Variants in NOVA1 observed in about 807,000 individuals in gnomAD.
The protein encoded by NOVA1 is RNA-binding protein Nova-1.
NOVA1 carries 7 observed loss-of-function variants against 38.0 expected under a neutral mutation model. The observed-to-expected ratio is 0.18, with a 90% CI of 0.10 to 0.35. The LOEUF (loss-of-function observed/expected upper bound fraction) is 0.35. Among genes scored for constraint, NOVA1 ranks in the 10% least tolerant of loss-of-function variants. The pLI is 1.00. For missense variants in NOVA1, 460 were observed against 616.0 expected (o/e 0.75, Z 2.68); for synonymous variants, 270 against 232.5 (o/e 1.16, Z -1.47).
chr14:26,569,775 A>G (rs1327408373), intron 2 of NOVA1, among the ~76,000 whole-genome samples: 1 of 152,210 alleles, frequency 6.6e-6, no homozygotes, highest in African/African-American at 2.4e-5. Context: ...ACAAATTTCT[A>G]GTTGAAAAGA....
At chr14:26,566,051 T>C (rs979271035) in intron 2 of NOVA1, among the ~76,000 whole-genome samples, 1 of 152,144 alleles carries the variant, frequency 6.6e-6, no homozygotes, top group African/African-American at 2.4e-5. Flanking sequence ...TAAAATTATA[T>C]GAATGATGAA....
At chr14:26,502,447 A>G (rs1887306847) in intron 2 of NOVA1, among the ~76,000 whole-genome samples, 1 of 151,892 alleles carries the variant, frequency 6.6e-6, no homozygotes, top group Non-Finnish European at 1.5e-5. Context: ...TTGTATTTAA[A>G]TATACAACAG....
intron 2 of NOVA1, among the ~76,000 whole-genome samples, chr14:26,554,393 A>T (rs1007221082): frequency 1.3e-5 from 2 of 152,132 alleles, no homozygotes; most frequent in Non-Finnish European, 2.9e-5. Context: ...CACTCACTGG[A>T]TTGAGCAAAG....
intron 4 of NOVA1, among the ~76,000 whole-genome samples, chr14:26,464,683 T>G (rs1883972484): frequency 6.6e-6 from 1 of 152,146 alleles, no homozygotes; most frequent in Non-Finnish European, 1.5e-5. Flanking sequence ...AGGGATTTGT[T>G]TCTATATGAA....
intron 2 of NOVA1, among the ~76,000 whole-genome samples, chr14:26,526,206 A>G (rs1889286224): frequency 6.6e-6 from 1 of 152,202 alleles, no homozygotes; most frequent in Admixed American, 6.5e-5. Flanking sequence ...AACATAACTT[A>G]AATTTGAGAA....
At chr14:26,552,858 A>G (rs1891244476) in intron 2 of NOVA1, among the ~76,000 whole-genome samples, 1 of 152,122 alleles carries the variant, frequency 6.6e-6, no homozygotes, top group South Asian at 2.1e-4. Flanking sequence ...AAGTGACTCT[A>G]CTCTCTGGGG....
At chr14:26,507,011 A>G (rs1310409326) in intron 2 of NOVA1, among the ~76,000 whole-genome samples, 2 of 152,234 alleles carry the variant, frequency 1.3e-5, no homozygotes, top group African/African-American at 4.8e-5. Flanking sequence ...TAATTTTCAC[A>G]GTTAAATCCA....
intron 2 of NOVA1, among the ~76,000 whole-genome samples, chr14:26,480,609 T>A (rs978607267): frequency 4.0e-5 from 6 of 151,718 alleles, no homozygotes; most frequent in Non-Finnish European, 8.8e-5. Context: ...AGTTGTTCCA[T>A]CACTTACCAC....
At chr14:26,562,774 A>G (rs1891905839) in intron 2 of NOVA1, among the ~76,000 whole-genome samples, 1 of 152,168 alleles carries the variant, frequency 6.6e-6, no homozygotes, top group Non-Finnish European at 1.5e-5. Flanking sequence ...TTTGGCACAT[A>G]GGTTTACTAC....
intron 2 of NOVA1, among the ~76,000 whole-genome samples, chr14:26,559,457 T>C (rs1891688617): frequency 6.6e-6 from 1 of 152,174 alleles, no homozygotes; most frequent in South Asian, 2.1e-4. Flanking sequence ...TATGAGATCC[T>C]CTTATTATTA....
intron 4 of NOVA1, among the ~76,000 whole-genome samples, chr14:26,461,940 C>CAA (rs146880662): frequency 6.6e-6 from 1 of 151,474 alleles, no homozygotes; most frequent in Non-Finnish European, 1.5e-5. Context: ...AACTCCGTCT[C>CAA]AAAAAACAAA....
At chr14:26,549,466 T>C (rs1891036880) in intron 2 of NOVA1, 1 of 176,948 alleles carries the variant, frequency 5.7e-6, no homozygotes, top group African/African-American at 2.3e-5. Context: ...AAAAGCATTT[T>C]AGTTTCATTT....
At chr14:26,503,982 T>C (rs1445707827) in intron 2 of NOVA1, among the ~76,000 whole-genome samples, 3 of 152,192 alleles carry the variant, frequency 2.0e-5, no homozygotes, top group Non-Finnish European at 4.4e-5. Context: ...AGCTGATTTT[T>C]CTTTAATAAA....
rs188481624 is a variant in NOVA1, at chr14:26,454,017, G to A, written c.520-5054C>T. On this transcript the variant is annotated intron_variant, in intron 4 of 4. Transcript: ENST00000539517. ...GAAAACACCCTTTCTCATTCTTAGT[G>A]TATGTGCCTCAGATAAGGCTGACAA... Among the ~76,000 whole-genome samples the A allele has an allele frequency of 3.6e-3, 547 of 152,222 alleles. 7 individuals are homozygous for A. Among genetic ancestry groups the A allele is most frequent in the African/African-American group, 0.012 (503 of 41,532 alleles).
At chr14:26,455,073 G>T (rs896010757) in intron 4 of NOVA1, among the ~76,000 whole-genome samples, 1 of 152,128 alleles carries the variant, frequency 6.6e-6, no homozygotes, top group Non-Finnish European at 1.5e-5. Context: ...GTATCCAAAA[G>T]AATTTAAAAA....
At chr14:26,524,542 G>A (rs1337858642) in intron 2 of NOVA1, among the ~76,000 whole-genome samples, 1 of 152,046 alleles carries the variant, frequency 6.6e-6, no homozygotes, top group Non-Finnish European at 1.5e-5. Flanking sequence ...ACATCATAGG[G>A]AGATACAGAG....
Position 26,524,971 on chromosome 14 carries a change from C to A in NOVA1, c.281-44828G>T, listed in dbSNP as rs558846767. On this transcript the variant is annotated intron_variant, in intron 2 of 4. Transcript: ENST00000539517. ...AAAATGTAATTAACTGCAACTAGTT[C>A]CATGTGTATTCAAAACTATAGTTCA... Among the ~76,000 whole-genome samples the A allele has an allele frequency of 2.0e-5, 3 of 152,238 alleles. No homozygotes were observed. In the South Asian group the frequency reaches 6.2e-4, roughly 32 times the overall value.
At chr14:26,452,279 C>T (rs888926138) in intron 4 of NOVA1, among the ~76,000 whole-genome samples, 8 of 152,042 alleles carry the variant, frequency 5.3e-5, no homozygotes, top group African/African-American at 1.9e-4. Context: ...AACAGACTCT[C>T]TGAAAAGAAG....
At chr14:26,474,092 G>A (rs1884793986) in intron 3 of NOVA1, among the ~76,000 whole-genome samples, 2 of 151,964 alleles carry the variant, frequency 1.3e-5, no homozygotes, top group South Asian at 2.1e-4. Context: ...TGTTACTACA[G>A]AGGATACCTG....
Sources: allele counts gnomAD v4.1 joint callset (sites outside exome capture counted in the v4.1 genomes callset), GRCh38; gene constraint gnomAD v4.1.1; transcripts MANE v1.5; gene names NCBI Gene and HGNC (gene_info 2026-07-23, HGNC 2026-07-21).